Variants in HDAC8 observed in about 807,000 individuals in gnomAD.
HDAC8 encodes histone deacetylase 8, also known as histone deacetylase-like 1.
Under a neutral mutation model 32.2 loss-of-function variants are expected in HDAC8, and 1 was observed. That is an observed-to-expected ratio of 0.03 (90% CI 0.01 to 0.15). The LOEUF is 0.15. Ranked by LOEUF, HDAC8 falls within the 10% of genes least tolerant of loss-of-function variation. The probability of loss-of-function intolerance (pLI) is 1.00; values close to 1 mark genes in which losing one functional copy is unlikely to be tolerated. For synonymous variants in HDAC8, 108 were observed against 113.9 expected, an observed-to-expected ratio of 0.95 and a Z score of 0.33; for missense variants, 117 against 300.0, an observed-to-expected ratio of 0.39 and a Z score of 4.51.
chrX:72,391,533 C>T (rs1437529482), intron 9 of HDAC8, among the ~76,000 whole-genome samples: 2 of 112,233 alleles, frequency 1.8e-5, no homozygotes, highest in South Asian at 3.7e-4. Context: ...ATGTATCAGG[C>T]CTTTTCTTGT....
chrX:72,385,229 C>T (rs939749916), intron 9 of HDAC8, among the ~76,000 whole-genome samples: 6 of 111,157 alleles, frequency 5.4e-5, no homozygotes, highest in East Asian at 2.8e-4. Context: ...TTTGGGAGGC[C>T]GAGGCAGGAG....
chrX:72,422,475 G>A (rs1292503278), intron 9 of HDAC8, among the ~76,000 whole-genome samples: 1 of 110,273 alleles, frequency 9.1e-6, no homozygotes, highest in Non-Finnish European at 1.9e-5. Flanking sequence ...AATGCCAGGA[G>A]CTAAAAAAAA....
rs900426253 is a variant in HDAC8 at position 72,402,059 on chromosome X, T to A, written c.1006-50221A>T. Among the ~76,000 whole-genome samples, 21 of 111,994 alleles carry A rather than the reference T, an allele frequency of 1.9e-4. No homozygotes were observed. The Admixed American group carries it at 2.0e-3, about 11-fold the overall frequency. ...TTATTGTAGGTCTATTCAGATTTTC[T>A]TTTTCTTCTTGAGTCTTAAGTTTTG... On this transcript the variant is annotated intron_variant, in intron 9 of 10. Coordinates refer to ENST00000373573, the MANE Select transcript of HDAC8 (RefSeq NM_018486.3).
At chrX:72,495,411 T>C in intron 4 of HDAC8, 143 bp from the exon 5 acceptor site, 2 of 410,777 alleles carry the variant, frequency 4.9e-6, no homozygotes, top group Middle Eastern at 3.9e-4. Flanking sequence ...ACAAAGATTA[T>C]AAGTAAATGA....
intron 9 of HDAC8, among the ~76,000 whole-genome samples, chrX:72,419,043 T>C (rs1555972712): frequency 1.8e-5 from 2 of 112,104 alleles, no homozygotes; most frequent in African/African-American, 6.5e-5. Context: ...TATAGCTTTG[T>C]ATTACGTTTT....
chrX:72,482,912 T>G (rs956858477), intron 7 of HDAC8, among the ~76,000 whole-genome samples: 1 of 111,508 alleles, frequency 9.0e-6, no homozygotes, highest in Admixed American at 9.5e-5. Context: ...TATTATAGAT[T>G]GCGGCAGGGA....
intron 10 of HDAC8, among the ~76,000 whole-genome samples, chrX:72,336,068 G>T (rs1425018092): frequency 9.0e-6 from 1 of 111,556 alleles, no homozygotes; most frequent in African/African-American, 3.3e-5. Context: ...AGATCATGTG[G>T]TAAGAATATG....
chrX:72,481,244 C>T (rs2048492127), intron 7 of HDAC8, among the ~76,000 whole-genome samples: 1 of 110,606 alleles, frequency 9.0e-6, no homozygotes, highest in South Asian at 3.9e-4. Context: ...TGAGAACTCA[C>T]TATCATGAGA....
intron 5 of HDAC8, among the ~76,000 whole-genome samples, chrX:72,492,242 C>A (rs2048893998): frequency 8.9e-6 from 1 of 112,071 alleles, no homozygotes; most frequent in African/African-American, 3.2e-5. Flanking sequence ...TGAGAGTTCC[C>A]AAACTATTGT....
intron 4 of HDAC8, among the ~76,000 whole-genome samples, chrX:72,508,296 C>T (rs1439049319): frequency 1.8e-5 from 2 of 111,924 alleles, no homozygotes; most frequent in African/African-American, 3.2e-5. Context: ...TAAGTGATTA[C>T]CCTGTGCCAG....
intron 9 of HDAC8, among the ~76,000 whole-genome samples, chrX:72,361,517 A>G (rs965589521): frequency 9.0e-6 from 1 of 111,220 alleles, no homozygotes. Context: ...CAATATTAAC[A>G]TCTTATTTCA....
At chrX:72,375,950 G>A (rs1032694395) in intron 9 of HDAC8, among the ~76,000 whole-genome samples, 3 of 112,066 alleles carry the variant, frequency 2.7e-5, no homozygotes, top group African/African-American at 9.7e-5. Flanking sequence ...ACTTGGTTTA[G>A]GTCTATTCAG....
chrX:72,427,146 C>T lies in HDAC8; in HGVS notation c.1005+34858G>A, dbSNP rs781786125. On this transcript the variant is annotated intron_variant, in intron 9 of 10. Coordinates refer to ENST00000373573, the MANE Select transcript of HDAC8 (RefSeq NM_018486.3). ...TACCACGTATCAATAATAAGAAATA[C>T]ATTTTGATCAAACATGCTAGGGGAT... 9.9e-5 allele frequency among the ~76,000 whole-genome samples: 11 copies of T among 111,142 alleles called. 1 individual carries two copies. The South Asian group carries it at 4.4e-3, about 44-fold the overall frequency.
chrX:72,395,195 G>A (rs2045728425), intron 9 of HDAC8, among the ~76,000 whole-genome samples: 1 of 112,723 alleles, frequency 8.9e-6, no homozygotes, highest in African/African-American at 3.2e-5. Context: ...TGAAAAAGTA[G>A]TTTGTACATT....
At chrX:72,386,556 A>G (rs782375337) in intron 9 of HDAC8, among the ~76,000 whole-genome samples, 7 of 112,116 alleles carry the variant, frequency 6.2e-5, no homozygotes, top group African/African-American at 2.3e-4. Flanking sequence ...TATTTAAAAA[A>G]TAGTATCAGC....
intron 10 of HDAC8, among the ~76,000 whole-genome samples, chrX:72,343,970 C>T (rs1377246838): frequency 1.8e-5 from 2 of 112,718 alleles, no homozygotes; most frequent in Non-Finnish European, 1.9e-5. Context: ...GGCAAGGAGG[C>T]CCACCCACTG....
At chrX:72,375,882 A>G (rs1358529807) in intron 9 of HDAC8, among the ~76,000 whole-genome samples, 1 of 112,067 alleles carries the variant, frequency 8.9e-6, no homozygotes, top group Non-Finnish European at 1.9e-5. Flanking sequence ...TAGTGAAACC[A>G]TATGTGCCTG....
At chrX:72,331,271 GTA>G (rs1900827562) in intron 10 of HDAC8, among the ~76,000 whole-genome samples, 1 of 111,231 alleles carries the variant, frequency 9.0e-6, no homozygotes, top group South Asian at 3.8e-4. Flanking sequence ...TTATTCTGCA[GTA>G]AAATTGACAT....
At chrX:72,467,242 G>A (rs2048044365) in intron 7 of HDAC8, 1 of 109,378 alleles carries the variant, frequency 9.1e-6, no homozygotes, top group African/African-American at 3.3e-5. Context: ...ATCTAAATAA[G>A]CTCTATGGCT....
Sources: allele counts gnomAD v4.1 joint callset (sites outside exome capture counted in the v4.1 genomes callset), GRCh38; gene constraint gnomAD v4.1.1; transcripts MANE v1.5; gene names NCBI Gene and HGNC (gene_info 2026-07-23, HGNC 2026-07-21).